The following HELZ variants were observed in gnomAD, a reference collection of about 807,000 sequenced individuals.
HELZ encodes the protein helicase with zinc finger, also known as ATP-dependent RNA helicase with zinc finger domain.
Under a neutral mutation model 218.2 loss-of-function variants are expected in HELZ, and 23 were observed. The observed-to-expected ratio is 0.11, with a 90% CI of 0.08 to 0.15. The LOEUF (loss-of-function observed/expected upper bound fraction) is 0.15. Among genes scored for constraint, HELZ ranks in the 10% least tolerant of loss-of-function variants. The pLI, the probability that HELZ is intolerant of heterozygous loss-of-function variation, is 1.00. For synonymous variants in HELZ, 814 were observed against 829.4 expected, an observed-to-expected ratio of 0.98 and a Z score of 0.32; for missense variants, 1,813 against 2,353.7, an observed-to-expected ratio of 0.77 and a Z score of 4.75.
rs751400429 is a variant in HELZ, at chr17:67,086,928, A to G, written c.5395T>C (p.Ser1799Pro). Residue 1799 changes from serine (S) to proline (P), a missense_variant, in exon 32 of 33, where the codon TCA becomes CCA. Coordinates refer to ENST00000358691, the MANE Select transcript of HELZ (RefSeq NM_014877.4). ...DHSNQSSFNF[S>P]SPESWVNTTS... Reference sequence around the variant, plus strand: ...GTGTTTACCCAGGACTCCGGGGATGAAAAGTTGAAAGAAGATTGGTTACTG... The same window carrying G: ...GTGTTTACCCAGGACTCCGGGGATGGAAAGTTGAAAGAAGATTGGTTACTG... 6.8e-6 allele frequency: 11 copies of G among 1,613,820 alleles called. No individual in the cohort carries two copies. Among genetic ancestry groups the G allele is most frequent in the Non-Finnish European group, 9.3e-6 (11 of 1,179,986 alleles).
At chr17:67,173,672 G>A (rs1357431076) in intron 13 of HELZ, among the ~76,000 whole-genome samples, 1 of 152,146 alleles carries the variant, frequency 6.6e-6, no homozygotes, top group Admixed American at 6.5e-5. Context: ...CAGAACTGAG[G>A]TGTCACCAAT....
At chr17:67,166,974 T>TG (rs987099149) in intron 14 of HELZ, among the ~76,000 whole-genome samples, 6 of 152,216 alleles carry the variant, frequency 3.9e-5, no homozygotes, top group Non-Finnish European at 8.8e-5. Flanking sequence ...TCAGAACATG[T>TG]GAAGTATCCA....
intron 27 of HELZ, among the ~76,000 whole-genome samples, chr17:67,116,020 T>C (rs1213556494): frequency 6.6e-6 from 1 of 152,080 alleles, no homozygotes; most frequent in East Asian, 1.9e-4. Flanking sequence ...ATGATAACAA[T>C]AGCATACAGG....
Position 67,078,067 on chromosome 17 carries a change from A to C in HELZ, c.*185T>G, listed in dbSNP as rs956607565. The C allele has an allele frequency of 5.9e-6, 3 of 512,194 alleles. No individual in the cohort carries two copies. In the African/African-American group the frequency reaches 6.0e-5, roughly 10 times the overall value. The allele number at this position is 512,194 out of a possible 1,614,324, so 31.7% of individuals were successfully genotyped here. A position where few individuals can be genotyped will look rare whatever the true frequency, so the allele number is the denominator to read the frequency against. ...CTGTCAAAGTTTTGACACATCAAAA[A>C]TGCAAAATAATGGAATATACTTTAA... is the stretch of plus-strand genomic sequence containing the variant. On this transcript the variant is annotated 3_prime_UTR_variant, in exon 33 of 33. Transcript: ENST00000358691.
In HELZ at chr17:67,178,725, T is replaced by C. The variant is rs1041774881; in HGVS notation, c.1364A>G (p.Asn455Ser). The C allele has an allele frequency of 1.2e-6, 2 of 1,613,858 alleles. No individual in the cohort carries two copies. Among genetic ancestry groups the C allele is most frequent in the Non-Finnish European group, 1.7e-6 (2 of 1,179,778 alleles). ...SVLDKSLTKS[N>S]YQSRLHDLLY... ...AAGGTCATGTAACCGTGACTGATAG[T>C]TGCTCTTGGTCAATGATTTGTCTAA... The change falls in exon 13 of 33, where the codon AAC becomes AGC. Residue 455 changes from asparagine (N) to serine (S), a missense_variant. By Grantham distance (46) the Asn-to-Ser change is conservative. Coordinates refer to ENST00000358691, the MANE Select transcript of HELZ (RefSeq NM_014877.4).
intron 24 of HELZ, among the ~76,000 whole-genome samples, chr17:67,126,846 A>T (rs1389537961): frequency 3.9e-5 from 6 of 152,166 alleles, no homozygotes; most frequent in African/African-American, 7.2e-5. Flanking sequence ...CGGGCAACAG[A>T]GCAAGACTGT....
chr17:67,188,432 C>A lies in HELZ; in HGVS notation c.1049G>T (p.Gly350Val), dbSNP rs1158748727. The A allele has an allele frequency of 6.2e-7, 1 of 1,613,780 alleles. No homozygotes were observed. The highest frequency in any genetic ancestry group is 1.3e-5 in the African/African-American group (1 of 74,882). Residue 350 changes from glycine to valine, a missense_variant, in exon 12 of 33, where the codon GGG becomes GTG. Around this residue, in one of 4 missense-constraint regions of HELZ, gnomAD observed 714 missense variants for 1,029.2 expected, o/e 0.69. Transcript: ENST00000358691. The surrounding 1 kb of genome is among the most constrained non-coding windows in gnomAD (Gnocchi z 4.1). ...NGLDHYVYKV[G>V]IAFNTEIFGT... is the part of the protein sequence containing the mutation. ...AAATATTTCTGTGTTAAATGCTATCCCGACTTTATACACGTAATGATCTAA... is the reference window on the plus strand; with the variant it reads ...AAATATTTCTGTGTTAAATGCTATCACGACTTTATACACGTAATGATCTAA...
In HELZ at chr17:67,109,681, A is replaced by G; in HGVS notation, c.3924T>C (p.Asp1308=). ...EKKPTEPKQV[D]LESNPQNRSP... is the part of the protein sequence containing the mutation. ...TTCTGTTCTGTGGATTTGATTCCAAATCAACCTAGAAAAAAAGAAGAAGCC... is the reference window on the plus strand; with the variant it reads ...TTCTGTTCTGTGGATTTGATTCCAAGTCAACCTAGAAAAAAAGAAGAAGCC... The change falls in exon 29 of 33, where the codon GAT becomes GAC. Residue 1308 remains aspartate (D), a synonymous_variant. Transcript: ENST00000358691. The G allele has an allele frequency of 2.5e-6, 4 of 1,600,708 alleles. No homozygotes were observed. The highest frequency in any genetic ancestry group is 3.4e-6 in the Non-Finnish European group (4 of 1,173,166).
intron 5 of HELZ, 197 bp downstream of exon 5, chr17:67,215,702 T>C (rs1312921829): frequency 5.0e-6 from 3 of 598,360 alleles, no homozygotes; most frequent in Non-Finnish European, 9.2e-6. Context: ...TGACAAGAAC[T>C]TAAACATTCA....
intron 32 of HELZ, among the ~76,000 whole-genome samples, chr17:67,084,050 T>C (rs1194732429): frequency 6.6e-6 from 1 of 152,218 alleles, no homozygotes; most frequent in African/African-American, 2.4e-5. Context: ...AATCTCTAAC[T>C]TCAGTAAGAA....
At chr17:67,238,697 T>C (rs940431771) in intron 3 of HELZ, among the ~76,000 whole-genome samples, 5 of 152,098 alleles carry the variant, frequency 3.3e-5, no homozygotes, top group Non-Finnish European at 7.3e-5. Context: ...AAAAAAATAA[T>C]AATAATTTTA....
intron 23 of HELZ, among the ~76,000 whole-genome samples, chr17:67,129,929 T>C (rs1473365754): frequency 6.6e-6 from 1 of 152,150 alleles, no homozygotes; most frequent in Non-Finnish European, 1.5e-5. Context: ...TGTGATATGG[T>C]TTCTTCCCAA....
At chr17:67,146,089 T>C (rs1420126046) in intron 20 of HELZ, among the ~76,000 whole-genome samples, 199 bp from the exon 21 acceptor site, 3 of 152,184 alleles carry the variant, frequency 2.0e-5, no homozygotes, top group Admixed American at 6.5e-5. Flanking sequence ...TATTGTTAAA[T>C]GGAATGATTT....
intron 3 of HELZ, among the ~76,000 whole-genome samples, chr17:67,238,466 G>C (rs1408037500): frequency 6.6e-6 from 1 of 152,016 alleles, no homozygotes; most frequent in East Asian, 1.9e-4. Flanking sequence ...TGGATCACCT[G>C]AGGTCAGGGG....
At chr17:67,214,132 G>A (rs1401331069) in intron 5 of HELZ, among the ~76,000 whole-genome samples, 2 of 151,054 alleles carry the variant, frequency 1.3e-5, no homozygotes, top group Non-Finnish European at 2.9e-5. Context: ...TAGATAGCAG[G>A]GATTTTTTTA....
intron 5 of HELZ, among the ~76,000 whole-genome samples, chr17:67,208,037 G>A (rs2040350205): frequency 6.6e-6 from 1 of 152,092 alleles, no homozygotes; most frequent in Non-Finnish European, 1.5e-5. Context: ...GATCTCAAGA[G>A]GACCATGGTG....
intron 9 of HELZ, among the ~76,000 whole-genome samples, chr17:67,192,220 C>CATA (rs1465339585): frequency 6.6e-6 from 1 of 151,658 alleles, no homozygotes; most frequent in Non-Finnish European, 1.5e-5. Context: ...AAAAAAAATA[C>CATA]ATAATTAAAT....
intron 32 of HELZ, among the ~76,000 whole-genome samples, chr17:67,081,424 A>G (rs914488013): frequency 6.6e-6 from 1 of 152,320 alleles, no homozygotes; most frequent in East Asian, 1.9e-4. Context: ...AACAGAGGGC[A>G]ATAACAACAG....
intron 3 of HELZ, among the ~76,000 whole-genome samples, chr17:67,225,707 T>C (rs1482315062): frequency 1.3e-5 from 2 of 152,154 alleles, no homozygotes; most frequent in Non-Finnish European, 2.9e-5. Context: ...ATGGTAACAT[T>C]TGCATCCTTC....
Sources: gnomAD v4.1 joint callset for allele counts (sites outside exome capture counted in the v4.1 genomes callset) on GRCh38, gnomAD v4.1.1 for gene constraint, gnomAD v4.1.1 regional missense constraint, Gnocchi (gnomAD v3.1) non-coding constraint, MANE v1.5 for transcripts, NCBI Gene and HGNC (gene_info 2026-07-23, HGNC 2026-07-21) for gene names.